The following MACC1 variants were observed in gnomAD, a reference collection of about 807,000 sequenced individuals.
The protein encoded by MACC1 is MET transcriptional regulator MACC1, also known as metastasis-associated in colon cancer protein 1.
MACC1 carries 79 observed loss-of-function variants against 70.7 expected under a neutral mutation model. The observed-to-expected ratio is 1.12, with a 90% CI of 0.93 to 1.35. The LOEUF (loss-of-function observed/expected upper bound fraction) is 1.35. Among genes scored for constraint, MACC1 ranks in the 40% most tolerant of loss-of-function variants. The pLI, the probability that MACC1 is intolerant of heterozygous loss-of-function variation, is 0.00. For missense variants in MACC1, 1,106 were observed against 978.1 expected, an observed-to-expected ratio of 1.13 and a Z score of -1.74; for synonymous variants, 361 against 347.2, an observed-to-expected ratio of 1.04 and a Z score of -0.44.
intron 1 of MACC1, among the ~76,000 whole-genome samples, chr7:20,172,897 G>A (rs1215107138): frequency 6.6e-6 from 1 of 152,198 alleles, no homozygotes; most frequent in Non-Finnish European, 1.5e-5. Flanking sequence ...CAGCTGGGGA[G>A]ACGGGAAAAA....
Position 20,159,966 on chromosome 7 carries a change from C to A in MACC1, c.395G>T (p.Arg132Ile), listed in dbSNP as rs140539130. Residue 132 changes from arginine (R) to isoleucine (I), a missense_variant, in exon 5 of 7, where the codon AGA becomes ATA. Physicochemically the swap from Arg to Ile is moderately conservative, Grantham distance 97. Coordinates refer to ENST00000400331, the MANE Select transcript of MACC1 (RefSeq NM_182762.4). ...AACACTTTTAGATCTTCCAGAATTT[C>A]TTGAGGAAGTCTGCCTAAGTAACTG... ...VHQLLRQTSS[R>I]NSGRSKSVSE... 2.0e-4 allele frequency: 318 copies of A among 1,614,102 alleles called. No homozygotes were observed. The African/African-American group carries it at 3.7e-3, about 19-fold the overall frequency.
At chr7:20,194,776 T>C (rs1230153121) in intron 1 of MACC1, among the ~76,000 whole-genome samples, 1 of 152,218 alleles carries the variant, frequency 6.6e-6, no homozygotes, top group Non-Finnish European at 1.5e-5. Flanking sequence ...GAGGATATGA[T>C]AGCCTTTCAC....
chr7:20,146,934 G>A (rs572962224), intron 6 of MACC1, among the ~76,000 whole-genome samples: 2 of 152,266 alleles, frequency 1.3e-5, no homozygotes, highest in South Asian at 2.1e-4. Flanking sequence ...GAAGCGTGAG[G>A]CTGATAAAAG....
In MACC1 at chr7:20,208,341, A is replaced by C. The variant is rs115676060; in HGVS notation, c.-218+8958T>G. 5.1e-3 allele frequency among the ~76,000 whole-genome samples: 777 copies of C among 152,300 alleles called. 9 individuals carry two copies. Among genetic ancestry groups the C allele is most frequent in the African/African-American group, 0.018 (738 of 41,558 alleles). On this transcript the variant is annotated intron_variant, in intron 1 of 6. Transcript: ENST00000400331. The stretch of plus-strand genomic sequence containing the variant: ...CAGAGGAAGACAGGAAAATGTGGGA[A>C]AGTTTGGAACGTCTTAGAGACTTGC...
chr7:20,138,395 T>C lies in MACC1; in HGVS notation c.*2551A>G, dbSNP rs1781748631. The C allele has an allele frequency of 6.6e-6, 1 of 152,112 alleles. No individual in the cohort carries two copies. The highest frequency in any genetic ancestry group is 1.5e-5 in the Non-Finnish European group (1 of 68,022). 9.4% of individuals were successfully genotyped at this position (152,112 alleles called of 1,614,324 possible). On this transcript the variant is annotated 3_prime_UTR_variant, in exon 7 of 7. Coordinates refer to ENST00000400331, the MANE Select transcript of MACC1 (RefSeq NM_182762.4). ...TAATCAGCTAACAAGATCTCTGTCT[T>C]CTTAGATCTTGGAGCCTGGAAAAAC...
At position 20,160,334 on chromosome 7, in the gene MACC1, T is replaced by C. The variant is rs1157312211; in HGVS notation, c.116-89A>G. On this transcript the variant is annotated intron_variant, in intron 4 of 6. Transcript: ENST00000400331. ...ATTAATTTTTCCCATAGCTTAAAAA[T>C]TCAGGACTTACTTTTCATTTTTCTT... 2.8e-6 allele frequency: 4 copies of C among 1,420,728 alleles called. No homozygotes were observed. In the African/African-American group the frequency reaches 4.3e-5, roughly 15 times the overall value. 88.0% of individuals were successfully genotyped at this position (1,420,728 alleles called of 1,614,324 possible).
intron 6 of MACC1, 104 bp from the exon 7 acceptor site, chr7:20,141,262 C>T (rs1054983323): frequency 8.1e-5 from 58 of 716,096 alleles, no homozygotes; most frequent in Middle Eastern, 3.7e-4. Flanking sequence ...TAAGATAAAA[C>T]GGAATACCAA....
chr7:20,161,711 T>G, intron 4 of MACC1, 37 bp downstream of exon 4: 1 of 1,292,726 alleles, frequency 7.7e-7, no homozygotes, highest in South Asian at 1.2e-5. Flanking sequence ...TTCATATACT[T>G]ACATGGACAA....
At chr7:20,213,249 G>A (rs527564066) in intron 1 of MACC1, among the ~76,000 whole-genome samples, 15 of 152,310 alleles carry the variant, frequency 9.8e-5, no homozygotes, top group Admixed American at 6.5e-4. Context: ...CAGTCCGAAT[G>A]GCTGTTACTA....
At chr7:20,205,740 C>T (rs544328558) in intron 1 of MACC1, among the ~76,000 whole-genome samples, 18 of 152,096 alleles carry the variant, frequency 1.2e-4, no homozygotes, top group East Asian at 5.8e-4. Flanking sequence ...CTCCTTGAGT[C>T]GTTCCATCCT....
intron 6 of MACC1, among the ~76,000 whole-genome samples, chr7:20,152,269 T>C (rs17454555): frequency 0.67 from 101,925 of 151,868 alleles, 35,097 homozygotes; most frequent in East Asian, 0.87. Flanking sequence ...GCCCAGCAAC[T>C]GCTAGACCTA....
chr7:20,160,998 T>C lies in MACC1; in HGVS notation c.115+750A>G, dbSNP rs79444015. ...ACCACTAGAAATTGAAGCATTATTA[T>C]TTTGGAAAGTAAGTGTCTTAAGAAT... On this transcript the variant is annotated intron_variant, in intron 4 of 6. Transcript: ENST00000400331. Among the ~76,000 whole-genome samples the C allele has an allele frequency of 8.0e-3, 1,213 of 152,248 alleles. 28 individuals carry two copies. The highest frequency in any genetic ancestry group is 0.038 in the Admixed American group (584 of 15,298).
intron 6 of MACC1, among the ~76,000 whole-genome samples, chr7:20,144,120 A>G (rs1781851263): frequency 6.6e-6 from 1 of 152,244 alleles, no homozygotes; most frequent in Non-Finnish European, 1.5e-5. Flanking sequence ...CATAAATACA[A>G]TGAAAATATT....
At chr7:20,200,369 G>T (rs1782815696) in intron 1 of MACC1, among the ~76,000 whole-genome samples, 1 of 152,084 alleles carries the variant, frequency 6.6e-6, no homozygotes, top group Non-Finnish European at 1.5e-5. Context: ...TCAAAATACT[G>T]ATAAATACCA....
chr7:20,188,053 G>C (rs1782615722), intron 1 of MACC1, among the ~76,000 whole-genome samples: 1 of 152,142 alleles, frequency 6.6e-6, no homozygotes, highest in Non-Finnish European at 1.5e-5. Context: ...GCAGTAAGGA[G>C]AAGTGCCGAG....
chr7:20,172,011 G>A lies in MACC1; in HGVS notation c.-217-1233C>T, dbSNP rs192989064. Among the ~76,000 whole-genome samples the A allele has an allele frequency of 3.5e-3, 531 of 152,284 alleles. 4 individuals carry two copies. Among genetic ancestry groups the A allele is most frequent in the Non-Finnish European group, 4.4e-3 (301 of 68,020 alleles). ...GGACAAGTGATTGTAGCCTAGAAGG[G>A]AAATACGAAATAAAAAGACATAACT... On this transcript the variant is annotated intron_variant, in intron 1 of 6. Coordinates refer to ENST00000400331, the MANE Select transcript of MACC1 (RefSeq NM_182762.4).
chr7:20,168,298 A>G (rs79382455), intron 2 of MACC1, among the ~76,000 whole-genome samples: 2,447 of 152,316 alleles, frequency 0.016, 68 homozygotes, highest in African/African-American at 0.056. Flanking sequence ...ATAAGTGAAT[A>G]AATAAGGGTG....
chr7:20,155,482 C>G (rs916085638), intron 5 of MACC1, among the ~76,000 whole-genome samples: 5 of 152,202 alleles, frequency 3.3e-5, no homozygotes, highest in African/African-American at 1.2e-4. Context: ...TTCAAAATAC[C>G]TTATTGTACT....
intron 6 of MACC1, among the ~76,000 whole-genome samples, chr7:20,144,087 A>G (rs889314370): frequency 3.9e-5 from 6 of 152,212 alleles, no homozygotes; most frequent in African/African-American, 1.4e-4. Flanking sequence ...CTCAACAAAG[A>G]TGATAGAGAA....
Sources: allele counts gnomAD v4.1 joint callset (sites outside exome capture counted in the v4.1 genomes callset), GRCh38; gene constraint gnomAD v4.1.1; transcripts MANE v1.5; gene names NCBI Gene and HGNC (gene_info 2026-07-23, HGNC 2026-07-21).